DNM1L: variants seen among roughly 807,000 people sequenced by gnomAD.
DNM1L encodes the protein dynamin-1-like protein.
Under a neutral mutation model 92.8 loss-of-function variants are expected in DNM1L, and 33 were observed. The observed-to-expected ratio is 0.36, with a 90% confidence interval of 0.27 to 0.48. DNM1L has a LOEUF of 0.48. DNM1L is among the 20% of genes least tolerant of loss of function. The probability of loss-of-function intolerance (pLI) is 0.99; values close to 1 mark genes in which losing one functional copy is unlikely to be tolerated. For missense variants in DNM1L, 485 were observed against 888.8 expected, an observed-to-expected ratio of 0.55 and a Z score of 5.78; for synonymous variants, 284 against 305.0, an observed-to-expected ratio of 0.93 and a Z score of 0.72.
intron 1 of DNM1L, among the ~76,000 whole-genome samples, chr12:32,700,157 A>T (rs527810751): frequency 1.3e-5 from 2 of 152,012 alleles, no homozygotes; most frequent in African/African-American, 4.8e-5. Context: ...GTCTTGCTCT[A>T]TGCCCAGGCT....
At chr12:32,718,021 A>AT (rs1953609729) in intron 6 of DNM1L, among the ~76,000 whole-genome samples, 1 of 124,428 alleles carries the variant, frequency 8.0e-6, no homozygotes, top group Non-Finnish European at 1.6e-5. Flanking sequence ...TAGTATATAT[A>AT]TTATAAATAT....
Position 32,713,346 on chromosome 12 carries a change from A to C in DNM1L, c.594A>C (p.Lys198Asn). Residue 198 changes from lysine (K) to asparagine (N), a missense_variant, in exon 6 of 20, where the codon AAA becomes AAC. Around this residue, in one of 11 missense-constraint regions of DNM1L, gnomAD observed 159 missense variants for 275.9 expected, o/e 0.58. Transcript: ENST00000549701. ...NTDMATSEAL[K>N]ISREVDPDGR... ...ATATGGCAACATCAGAGGCACTTAAAATTTCAAGAGAGGTAGATCCAGATG... is the reference window on the plus strand; with the variant it reads ...ATATGGCAACATCAGAGGCACTTAACATTTCAAGAGAGGTAGATCCAGATG... The C allele has an allele frequency of 3.1e-6, 5 of 1,613,948 alleles. No homozygotes were observed. Among genetic ancestry groups the C allele is most frequent in the Non-Finnish European group, 4.2e-6 (5 of 1,179,942 alleles).
At chr12:32,725,405 TTTA>T (rs1368709799) in intron 9 of DNM1L, 2 of 152,184 alleles carry the variant, frequency 1.3e-5, no homozygotes, top group Non-Finnish European at 2.9e-5. Flanking sequence ...GGAGGTTAAA[TTTA>T]AAAGTACAGT....
rs760456153 is a variant in DNM1L, at chr12:32,742,688, T to C, written c.2094T>C (p.Asp698=). ...GQLYKSSLLD[D]LLTESEDMAQ... ...TGTATAAATCATCCTTATTGGATGA[T>C]CTTCTGACAGAATCTGAGGACATGG... is the stretch of plus-strand genomic sequence containing the variant. Residue 698 remains aspartate (D), a synonymous_variant, in exon 19 of 20, where the codon GAT becomes GAC. Transcript: ENST00000549701. 7.4e-6 allele frequency: 12 copies of C among 1,614,104 alleles called. No homozygotes were observed. The South Asian group carries it at 1.2e-4, about 16-fold the overall frequency.
chr12:32,710,903 T>G (rs1343212970), intron 4 of DNM1L, 26 bp from the exon 5 acceptor site: 1 of 1,512,068 alleles, frequency 6.6e-7, no homozygotes, highest in Non-Finnish European at 9.0e-7. Context: ...ATTGAAATTT[T>G]AATATATTTT....
intron 9 of DNM1L, among the ~76,000 whole-genome samples, chr12:32,723,555 G>A (rs775134698): frequency 1.3e-5 from 2 of 151,798 alleles, no homozygotes; most frequent in Admixed American, 6.6e-5. Flanking sequence ...CTAGCCGGGC[G>A]TGGTGGTGGG....
chr12:32,679,349 C>G lies in DNM1L; in HGVS notation c.-15C>G, dbSNP rs776969387. ...CCGTGGCCGGCGGGCACTGGGGCCCCGTGTTTTCAGAGTCATGGAGGCGCT... is the reference window on the plus strand; with the variant it reads ...CCGTGGCCGGCGGGCACTGGGGCCCGGTGTTTTCAGAGTCATGGAGGCGCT... On this transcript the variant is annotated 5_prime_UTR_variant, in exon 1 of 20. Transcript: ENST00000549701. 19 of 1,603,760 alleles carry G rather than the reference C, an allele frequency of 1.2e-5. No individual in the cohort carries two copies. The East Asian group carries it at 3.6e-4, about 30-fold the overall frequency.
intron 9 of DNM1L, among the ~76,000 whole-genome samples, chr12:32,729,764 T>TTAC (rs1954422818): frequency 6.6e-6 from 1 of 152,182 alleles, no homozygotes; most frequent in African/African-American, 2.4e-5. Flanking sequence ...CTGGCCGAAT[T>TTAC]TACTTTCTGT....
chr12:32,723,992 T>C (rs1180075345), intron 9 of DNM1L, among the ~76,000 whole-genome samples: 1 of 152,196 alleles, frequency 6.6e-6, no homozygotes, highest in Non-Finnish European at 1.5e-5. Context: ...AATGTAATTT[T>C]GTTAAGAGCA....
chr12:32,688,007 C>G (rs945769402), intron 1 of DNM1L, among the ~76,000 whole-genome samples: 5 of 152,114 alleles, frequency 3.3e-5, no homozygotes, highest in African/African-American at 1.2e-4. Context: ...TCACTTGCAG[C>G]CTCTGCCTCC....
chr12:32,718,593 G>A lies in DNM1L; in HGVS notation c.620-50G>A, dbSNP rs773529668. The A allele has an allele frequency of 8.1e-6, 13 of 1,610,624 alleles. No homozygotes were observed. In the East Asian group the frequency reaches 2.7e-4, roughly 33 times the overall value. The stretch of plus-strand genomic sequence containing the variant: ...TTAACACTAAATAGTTGTATTTAAT[G>A]GATCATTTTCTTTCTTTTCTTTGCC... On this transcript the variant is annotated intron_variant, in intron 6 of 19. Coordinates refer to ENST00000549701, the MANE Select transcript of DNM1L (RefSeq NM_012062.5).
At chr12:32,705,251 C>T (rs1952878892) in intron 2 of DNM1L, among the ~76,000 whole-genome samples, 9 of 152,094 alleles carry the variant, frequency 5.9e-5, no homozygotes, top group Admixed American at 4.6e-4. Context: ...GATCCGTCTG[C>T]CTCGGCTTCT....
chr12:32,732,497 C>G (rs1249295769), intron 12 of DNM1L: 3 of 455,474 alleles, frequency 6.6e-6, no homozygotes, highest in Non-Finnish European at 1.3e-5. Context: ...TAATTGTTGG[C>G]TGGGTTTTTT....
chr12:32,709,275 T>C lies in DNM1L; in HGVS notation c.369+1051T>C, dbSNP rs143453179. 2.6e-3 allele frequency among the ~76,000 whole-genome samples: 402 copies of C among 152,296 alleles called. 4 individuals carry two copies. The highest frequency in any genetic ancestry group is 8.9e-3 in the African/African-American group (370 of 41,566). ...AACTAGATTAGCTTATCGTCATTCC[T>C]CTAATTATATCAGGGATATTTTTGG... On this transcript the variant is annotated intron_variant, in intron 4 of 19. Transcript: ENST00000549701.
At chr12:32,743,279 A>C (rs1159038417) in intron 19 of DNM1L, 75 bp from the exon 20 acceptor site, 4 of 1,358,890 alleles carry the variant, frequency 2.9e-6, no homozygotes, top group Admixed American at 1.8e-5. Flanking sequence ...TATATTGGAA[A>C]AATTACCCTG....
At position 32,737,950 on chromosome 12, in the gene DNM1L, C is replaced by G. The variant is rs768493469; in HGVS notation, c.1674+8C>G. On this transcript the variant is annotated splice_region_variant and intron_variant, in intron 15 of 19. Coordinates refer to ENST00000549701, the MANE Select transcript of DNM1L (RefSeq NM_012062.5). The stretch of plus-strand genomic sequence containing the variant: ...GCTGAGGCTGATGGCAAGGTCTGTT[C>G]TGATTCTTAATCTAAGCCTGCATGC... 7 of 1,613,502 alleles carry G rather than the reference C, an allele frequency of 4.3e-6. No homozygotes were observed. The highest frequency in any genetic ancestry group is 5.9e-6 in the Non-Finnish European group (7 of 1,179,856).
intron 12 of DNM1L, among the ~76,000 whole-genome samples, chr12:32,732,179 T>G (rs1389961562): frequency 6.6e-6 from 1 of 152,162 alleles, no homozygotes; most frequent in Non-Finnish European, 1.5e-5. Context: ...CCTGCAGGCA[T>G]GGGTTTTCTT....
intron 13 of DNM1L, 109 bp downstream of exon 13, chr12:32,733,916 T>G (rs1227698859): frequency 5.4e-6 from 5 of 930,306 alleles, no homozygotes; most frequent in Non-Finnish European, 8.7e-6. Context: ...TGTGCCACAT[T>G]AGTGCCTGCT....
chr12:32,720,575 T>C, intron 7 of DNM1L, 89 bp from the exon 8 acceptor site: 2 of 1,561,998 alleles, frequency 1.3e-6, no homozygotes, highest in Non-Finnish European at 1.8e-6. Flanking sequence ...CTGTCAGGTA[T>C]TAGAGAACAA....
Sources: gnomAD v4.1 joint callset for allele counts (sites outside exome capture counted in the v4.1 genomes callset) on GRCh38, gnomAD v4.1.1 for gene constraint, gnomAD v4.1.1 regional missense constraint, MANE v1.5 for transcripts, NCBI Gene and HGNC (gene_info 2026-07-23, HGNC 2026-07-21) for gene names.